Variants in FBXO34 observed in about 807,000 individuals in gnomAD.
The protein encoded by FBXO34 is F-box only protein 34.
A neutral mutation model predicts 24.5 loss-of-function variants in FBXO34; 12 were observed. The observed-to-expected ratio is 0.49, with a 90% CI of 0.31 to 0.79. The LOEUF is 0.79. FBXO34 is among the 30% of genes least tolerant of loss of function. FBXO34 has a pLI of 0.04. For synonymous variants in FBXO34, 320 were observed against 311.9 expected, an observed-to-expected ratio of 1.03 and a Z score of -0.27; for missense variants, 823 against 857.7, an observed-to-expected ratio of 0.96 and a Z score of 0.51.
At chr14:55,280,797 AT>A (rs1466577699) in intron 1 of FBXO34, among the ~76,000 whole-genome samples, 1 of 152,088 alleles carries the variant, frequency 6.6e-6, no homozygotes, top group African/African-American at 2.4e-5. Flanking sequence ...AAGTGCTGGG[AT>A]TACAGGCGTG....
intron 1 of FBXO34, among the ~76,000 whole-genome samples, chr14:55,339,789 T>C (rs1161777278): frequency 6.6e-6 from 1 of 152,204 alleles, no homozygotes; most frequent in African/African-American, 2.4e-5. Context: ...TCTCGTTTCT[T>C]TACAAGTAGT....
the FBXO34 span, chr14:55,395,986 T>C: frequency 6.3e-7 from 1 of 1,581,612 alleles, no homozygotes; most frequent in Admixed American, 1.8e-5. Context: ...TAACACTCTG[T>C]GAGGAAAAGA....
At chr14:55,369,782 G>C (rs1197749036), downstream of FBXO34, 4 of 1,614,184 alleles carry the variant, frequency 2.5e-6, no homozygotes, top group South Asian at 2.2e-5. Flanking sequence ...CCGGGGACTA[G>C]GCAAGTTCTC....
chr14:55,295,640 C>A (rs1056032553), intron 1 of FBXO34, among the ~76,000 whole-genome samples: 11 of 152,140 alleles, frequency 7.2e-5, no homozygotes, highest in African/African-American at 2.7e-4. Context: ...AAGTGATCTG[C>A]CTGCCTCGGC....
At chr14:55,369,706 G>A, downstream of FBXO34, 1 of 1,609,574 alleles carries the variant, frequency 6.2e-7, no homozygotes, top group African/African-American at 1.3e-5. Flanking sequence ...TGCTCGCGAT[G>A]GGTGGGGACG....
At chr14:55,293,414 C>G (rs186455575) in intron 1 of FBXO34, among the ~76,000 whole-genome samples, 1 of 152,156 alleles carries the variant, frequency 6.6e-6, no homozygotes, top group Non-Finnish European at 1.5e-5. Flanking sequence ...GAACTTTGAC[C>G]TCAAGGGTTC....
At chr14:55,386,420 C>T in the FBXO34 span, among the ~76,000 whole-genome samples, 1 of 152,198 alleles carries the variant, frequency 6.6e-6, no homozygotes, top group Non-Finnish European at 1.5e-5. Flanking sequence ...AGAATAGTCA[C>T]ATTGGGCAGA....
the FBXO34 span, chr14:55,386,198 A>C: frequency 1.0e-6 from 1 of 996,732 alleles, no homozygotes; most frequent in Non-Finnish European, 1.5e-6. Flanking sequence ...TGCAATCTAA[A>C]CTGAAAGCAA....
chr14:55,382,012 T>C, the FBXO34 span: 1 of 1,614,174 alleles, frequency 6.2e-7, no homozygotes, highest in Non-Finnish European at 8.5e-7. Context: ...GTAGGCAGAG[T>C]AGTCCCCATT....
chr14:55,400,374 C>G, the FBXO34 span, among the ~76,000 whole-genome samples: 1 of 152,122 alleles, frequency 6.6e-6, no homozygotes, highest in Non-Finnish European at 1.5e-5. Context: ...TTCCAAATTG[C>G]AGCTGTCACA....
chr14:55,380,718 C>T, the FBXO34 span: 68 of 1,478,408 alleles, frequency 4.6e-5, no homozygotes, highest in Middle Eastern at 1.7e-4. Flanking sequence ...CCACCATGTA[C>T]AAAACCTTAA....
the FBXO34 span, among the ~76,000 whole-genome samples, chr14:55,406,480 G>C: frequency 6.6e-6 from 1 of 152,186 alleles, no homozygotes; most frequent in African/African-American, 2.4e-5. Flanking sequence ...TATGAAGATA[G>C]AATATCTCAC....
intron 1 of FBXO34, among the ~76,000 whole-genome samples, chr14:55,343,797 T>C (rs1884069985): frequency 6.6e-6 from 1 of 152,224 alleles, no homozygotes; most frequent in Non-Finnish European, 1.5e-5. Context: ...CGTATTGTCA[T>C]TCGATTCTTC....
intron 1 of FBXO34, among the ~76,000 whole-genome samples, chr14:55,347,369 C>T (rs954776729): frequency 6.6e-6 from 1 of 152,100 alleles, no homozygotes; most frequent in African/African-American, 2.4e-5. Context: ...TGCATTATAT[C>T]CTCTCAGGCC....
At chr14:55,309,489 C>T (rs1882662454) in intron 1 of FBXO34, among the ~76,000 whole-genome samples, 1 of 152,078 alleles carries the variant, frequency 6.6e-6, no homozygotes, top group Non-Finnish European at 1.5e-5. Context: ...GCAGTTGTTC[C>T]ATTTGAGGGG....
At chr14:55,332,550 C>T (rs1397493567) in intron 1 of FBXO34, among the ~76,000 whole-genome samples, 1 of 152,152 alleles carries the variant, frequency 6.6e-6, no homozygotes, top group East Asian at 1.9e-4. Flanking sequence ...AGCTCTTTCT[C>T]AGATTGTCTT....
At chr14:55,407,362 C>T in the FBXO34 span, among the ~76,000 whole-genome samples, 1 of 152,224 alleles carries the variant, frequency 6.6e-6, no homozygotes, top group South Asian at 2.1e-4. Flanking sequence ...GTCTCTTGAC[C>T]TTGTAATCTG....
chr14:55,312,780 C>T (rs1882792580), intron 1 of FBXO34, among the ~76,000 whole-genome samples: 1 of 152,224 alleles, frequency 6.6e-6, no homozygotes, highest in Non-Finnish European at 1.5e-5. Flanking sequence ...CTTGAGACTG[C>T]ACAAAGCAAC....
chr14:55,395,585 C>A, the FBXO34 span, among the ~76,000 whole-genome samples: 8 of 152,334 alleles, frequency 5.3e-5, no homozygotes, highest in East Asian at 1.5e-3. Context: ...GTTCTCCCCA[C>A]TCCAAGATTA....
Sources: allele counts gnomAD v4.1 joint callset (sites outside exome capture counted in the v4.1 genomes callset), GRCh38; gene constraint gnomAD v4.1.1; transcripts MANE v1.5; gene names NCBI Gene and HGNC (gene_info 2026-07-23, HGNC 2026-07-21).